GRIN2A: variants seen among roughly 807,000 people sequenced by gnomAD.
The protein encoded by GRIN2A is glutamate receptor ionotropic, NMDA 2A.
GRIN2A carries 22 observed loss-of-function variants against 113.4 expected under a neutral mutation model. That is an observed-to-expected ratio of 0.19 (90% CI 0.14 to 0.28). The LOEUF is 0.28. Ranked by LOEUF, GRIN2A falls within the 10% of genes least tolerant of loss-of-function variation. The pLI is 1.00. For missense variants in GRIN2A, 1,502 were observed against 1,887.0 expected (o/e 0.80, Z 3.78); for synonymous variants, 827 against 738.4 (o/e 1.12, Z -1.94).
chr16:10,084,001 TGAA>T (rs1441381453), intron 2 of GRIN2A, among the ~76,000 whole-genome samples: 2 of 152,040 alleles, frequency 1.3e-5, no homozygotes, highest in Non-Finnish European at 2.9e-5. Flanking sequence ...ACTTGGGGGT[TGAA>T]GAAGGAGGGT....
At chr16:9,909,337 A>G (rs2044089262) in intron 3 of GRIN2A, among the ~76,000 whole-genome samples, 1 of 152,172 alleles carries the variant, frequency 6.6e-6, no homozygotes, top group Admixed American at 6.5e-5. Context: ...ACAATGCCAA[A>G]CCATATCAGG....
intron 2 of GRIN2A, among the ~76,000 whole-genome samples, chr16:10,063,699 T>C (rs1328416386): frequency 1.3e-5 from 2 of 152,226 alleles, no homozygotes; most frequent in East Asian, 1.9e-4. Context: ...GTTTGATTAG[T>C]ACAGAACCAC....
At chr16:9,814,755 C>T (rs1456019688) in intron 10 of GRIN2A, among the ~76,000 whole-genome samples, 1 of 152,180 alleles carries the variant, frequency 6.6e-6, no homozygotes, top group African/African-American at 2.4e-5. Context: ...TGCGGTGGCT[C>T]AGGCCTGTAG....
chr16:9,755,129 A>G lies in GRIN2A; in HGVS notation c.*8020T>C, dbSNP rs1054522932. 5.1e-6 allele frequency: 1 copy of G among 197,066 alleles called. No homozygotes were observed. The highest frequency in any genetic ancestry group is 2.3e-5 in the African/African-American group (1 of 43,322). The allele number at this position is 197,066 out of a possible 1,614,324, so 12.2% of individuals were successfully genotyped here. A position where few individuals can be genotyped will look rare whatever the true frequency, so the allele number is the denominator to read the frequency against. ...AATGCAAACTCATTGTTTCACTGAC[A>G]TAGTAAGTAAGAGAATTATGAGTGA... On this transcript the variant is annotated 3_prime_UTR_variant, in exon 13 of 13. Coordinates refer to ENST00000330684, the MANE Select transcript of GRIN2A (RefSeq NM_001134407.3).
chr16:10,078,507 C>T (rs1170418600), intron 2 of GRIN2A, among the ~76,000 whole-genome samples: 1 of 151,840 alleles, frequency 6.6e-6, no homozygotes, highest in Non-Finnish European at 1.5e-5. Context: ...AATTGAGATG[C>T]AGGAGGGAAG....
At chr16:9,952,422 C>T (rs1388088949) in intron 2 of GRIN2A, among the ~76,000 whole-genome samples, 46 of 151,890 alleles carry the variant, frequency 3.0e-4, no homozygotes, top group Admixed American at 3.0e-3. Flanking sequence ...ATGGCACCCA[C>T]TGGGAATGTG....
At chr16:10,112,647 A>G in intron 2 of GRIN2A, 1 of 765,206 alleles carries the variant, frequency 1.3e-6, no homozygotes, top group South Asian at 1.3e-5. Flanking sequence ...GGAGAAGAGC[A>G]GCAGCAGCCA....
At position 9,890,002 on chromosome 16, in the gene GRIN2A, C is replaced by A. The variant is rs1283305650; in HGVS notation, c.1122+984G>T. ...CTTTTCTAGGAATCTGTCATTGTCTCCCCAGAGTCAATGCTTCTGTTTGTA... is the reference window on the plus strand; with the variant it reads ...CTTTTCTAGGAATCTGTCATTGTCTACCCAGAGTCAATGCTTCTGTTTGTA... On this transcript the variant is annotated intron_variant, in intron 4 of 12. Coordinates refer to ENST00000330684, the MANE Select transcript of GRIN2A (RefSeq NM_001134407.3). Among the ~76,000 whole-genome samples the A allele has an allele frequency of 2.0e-5, 3 of 152,110 alleles. No individual in the cohort carries two copies. In the East Asian group the frequency reaches 5.8e-4, roughly 29 times the overall value.
intron 2 of GRIN2A, among the ~76,000 whole-genome samples, chr16:9,940,018 GAGAGAGAGAGAGAGAGAGAGAGAA>G (rs1313867752): frequency 8.1e-6 from 1 of 124,214 alleles, no homozygotes; most frequent in Non-Finnish European, 1.8e-5. Flanking sequence ...GGATTCCACT[GAGAGAGAGAGAGAGAGAGAGAGAA>G]AGAGAGAGAG....
At chr16:9,839,004 A>G (rs1399265287) in intron 7 of GRIN2A, among the ~76,000 whole-genome samples, 1 of 152,190 alleles carries the variant, frequency 6.6e-6, no homozygotes, top group Non-Finnish European at 1.5e-5. Context: ...TCACCACTAT[A>G]TAATTCGTCC....
intron 2 of GRIN2A, among the ~76,000 whole-genome samples, chr16:10,034,535 C>CAAAAAAAAAAAAAAA (rs58076569): frequency 8.2e-5 from 3 of 36,430 alleles, no homozygotes; most frequent in Non-Finnish European, 1.5e-4. Context: ...CAAAAAAAAG[C>CAAAAAAAAAAAAAAA]AAAAAAAAAA....
intron 2 of GRIN2A, among the ~76,000 whole-genome samples, chr16:10,062,258 G>A (rs1463589878): frequency 6.6e-6 from 1 of 152,150 alleles, no homozygotes; most frequent in Non-Finnish European, 1.5e-5. Context: ...ACTCACCCCT[G>A]CTGTTGTAGT....
chr16:10,078,114 C>T (rs540482253), intron 2 of GRIN2A, among the ~76,000 whole-genome samples: 1 of 152,312 alleles, frequency 6.6e-6, no homozygotes, highest in East Asian at 1.9e-4. Flanking sequence ...CGGTTTATTG[C>T]ATGTCAATGC....
At chr16:10,023,470 C>A (rs553137439) in intron 2 of GRIN2A, among the ~76,000 whole-genome samples, 2 of 152,096 alleles carry the variant, frequency 1.3e-5, no homozygotes, top group African/African-American at 4.8e-5. Flanking sequence ...TGATTAGTAA[C>A]CTGGCACAAA....
At position 9,764,368 on chromosome 16, in the gene GRIN2A, G is replaced by C. The variant is rs772497745; in HGVS notation, c.3176C>G (p.Ser1059Cys). 6.2e-7 allele frequency: 1 copy of C among 1,614,154 alleles called. No homozygotes were observed. Among genetic ancestry groups the C allele is most frequent in the East Asian group, 2.2e-5 (1 of 44,874 alleles). The change falls in exon 13 of 13, where the codon TCT becomes TGT. Residue 1059 changes from serine to cysteine, a missense_variant. Transcript: ENST00000330684. ...PRYLPEEMAH[S>C]DISETSNRAT... ...CCGATTTGACGTTTCTGAAATGTCA[G>C]AGTGGGCCATCTCTTCTGGAAGATA...
At chr16:9,987,686 C>T (rs1188418703) in intron 2 of GRIN2A, among the ~76,000 whole-genome samples, 1 of 152,154 alleles carries the variant, frequency 6.6e-6, no homozygotes, top group African/African-American at 2.4e-5. Flanking sequence ...TGGAGAAGGT[C>T]TCATTCATGT....
At chr16:10,059,720 GAAA>G (rs34385533) in intron 2 of GRIN2A, among the ~76,000 whole-genome samples, 11 of 118,228 alleles carry the variant, frequency 9.3e-5, no homozygotes, top group African/African-American at 1.8e-4. Flanking sequence ...CATCGTGACC[GAAA>G]AAAAAAAAAA....
At chr16:9,944,125 A>C (rs895908217) in intron 2 of GRIN2A, among the ~76,000 whole-genome samples, 5 of 152,200 alleles carry the variant, frequency 3.3e-5, no homozygotes, top group Admixed American at 2.0e-4. Context: ...CTGCCAAGAA[A>C]AGGAAATAAT....
At chr16:9,798,496 G>T in intron 10 of GRIN2A, 32 bp from the exon 11 acceptor site, 1 of 1,589,636 alleles carries the variant, frequency 6.3e-7, no homozygotes, top group Non-Finnish European at 8.6e-7. Context: ...GGGTCATAGG[G>T]GTGGCCAGGT....
Sources: allele counts gnomAD v4.1 joint callset (sites outside exome capture counted in the v4.1 genomes callset), GRCh38; gene constraint gnomAD v4.1.1; transcripts MANE v1.5; gene names NCBI Gene and HGNC (gene_info 2026-07-23, HGNC 2026-07-21).